The following PHACTR1 variants were observed in gnomAD, a reference collection of about 807,000 sequenced individuals.
PHACTR1 encodes the protein phosphatase and actin regulator 1, also known as RPEL repeat containing 1.
Under a neutral mutation model 69.2 loss-of-function variants are expected in PHACTR1, and 16 were observed. The ratio of observed to expected loss-of-function variants is 0.23; its 90% CI spans 0.16 to 0.35. PHACTR1 has a LOEUF of 0.35. Among genes scored for constraint, PHACTR1 ranks in the 10% least tolerant of loss-of-function variants. PHACTR1 has a pLI of 1.00. For synonymous variants in PHACTR1, 312 were observed against 284.5 expected (o/e 1.10, Z -0.97); for missense variants, 510 against 734.7 (o/e 0.69, Z 3.54).
At chr6:13,207,784 G>A (rs1766158487) in intron 8 of PHACTR1, among the ~76,000 whole-genome samples, 1 of 152,122 alleles carries the variant, frequency 6.6e-6, no homozygotes, top group South Asian at 2.1e-4. Context: ...AGTGGCTGCT[G>A]GTCATTGGGT....
chr6:12,837,097 C>T lies in PHACTR1; in HGVS notation c.250+87307C>T, dbSNP rs552820411. On this transcript the variant is annotated intron_variant, in intron 4 of 14. Coordinates refer to ENST00000332995, the MANE Select transcript of PHACTR1 (RefSeq NM_030948.6). The stretch of plus-strand genomic sequence containing the variant: ...TTAAAGTCTTTCTCTGCTACAAACC[C>T]TGCTGTCTCAGTGTAATTGGTCTGT... Among the ~76,000 whole-genome samples, 137 of 152,278 alleles carry T rather than the reference C, an allele frequency of 9.0e-4. 1 individual carries two copies. The highest frequency in any genetic ancestry group is 1.4e-3 in the Non-Finnish European group (93 of 68,016).
chr6:13,206,409 G>A (rs527913354), intron 8 of PHACTR1, among the ~76,000 whole-genome samples: 1 of 152,166 alleles, frequency 6.6e-6, no homozygotes, highest in Non-Finnish European at 1.5e-5. Flanking sequence ...ACAGTCCTCA[G>A]TGTCATTAGT....
chr6:12,802,081 C>T (rs1177855218), intron 4 of PHACTR1, among the ~76,000 whole-genome samples: 2 of 132,050 alleles, frequency 1.5e-5, no homozygotes, highest in Non-Finnish European at 3.4e-5. Context: ...AATTGAGCTA[C>T]ATATTATATA....
At chr6:12,982,080 T>C (rs1795590288) in intron 4 of PHACTR1, among the ~76,000 whole-genome samples, 1 of 152,228 alleles carries the variant, frequency 6.6e-6, no homozygotes, top group Non-Finnish European at 1.5e-5. Context: ...AGAGATTAGA[T>C]GTTTGCATAT....
intron 4 of PHACTR1, among the ~76,000 whole-genome samples, chr6:13,028,470 A>G (rs56827295): frequency 1.4e-3 from 215 of 152,378 alleles, no homozygotes; most frequent in African/African-American, 4.3e-3. Flanking sequence ...TCCAGGAATC[A>G]GGAGCTTCCT....
intron 4 of PHACTR1, among the ~76,000 whole-genome samples, chr6:12,783,174 T>C (rs1363246237): frequency 6.6e-6 from 1 of 152,178 alleles, no homozygotes; most frequent in Non-Finnish European, 1.5e-5. Flanking sequence ...TGTTTTCAAG[T>C]CACAAGTCAT....
At chr6:12,946,679 T>C (rs77734838) in intron 4 of PHACTR1, among the ~76,000 whole-genome samples, 2,206 of 151,600 alleles carry the variant, frequency 0.015, 59 homozygotes, top group African/African-American at 0.051. Flanking sequence ...AGCAAACAAA[T>C]GAAAAAGTAG....
chr6:13,285,822 TTGA>T (rs1428645929), intron 13 of PHACTR1, among the ~76,000 whole-genome samples: 43 of 152,194 alleles, frequency 2.8e-4, no homozygotes, highest in African/African-American at 9.6e-4. Context: ...GAGGTTGACA[TTGA>T]ATGTGTTCTT....
At chr6:12,768,646 G>A (rs1768980884) in intron 4 of PHACTR1, among the ~76,000 whole-genome samples, 1 of 152,046 alleles carries the variant, frequency 6.6e-6, no homozygotes, top group African/African-American at 2.4e-5. Flanking sequence ...TAAACATGGG[G>A]TACAGATATT....
intron 4 of PHACTR1, among the ~76,000 whole-genome samples, chr6:12,924,074 T>C (rs1323742109): frequency 6.6e-6 from 1 of 152,186 alleles, no homozygotes; most frequent in Non-Finnish European, 1.5e-5. Flanking sequence ...AAACTGTGCT[T>C]TTTGTTGCTG....
At chr6:12,925,152 A>G (rs1177309833) in intron 4 of PHACTR1, among the ~76,000 whole-genome samples, 1 of 152,260 alleles carries the variant, frequency 6.6e-6, no homozygotes, top group Non-Finnish European at 1.5e-5. Flanking sequence ...AATATCTCAT[A>G]AGAAATGTGC....
At chr6:12,806,300 G>A (rs1309177016) in intron 4 of PHACTR1, among the ~76,000 whole-genome samples, 2 of 152,020 alleles carry the variant, frequency 1.3e-5, no homozygotes, top group Non-Finnish European at 2.9e-5. Context: ...GTCATCACAC[G>A]GACTTTCAAT....
chr6:12,918,902 CAAGA>C (rs1318108812), intron 4 of PHACTR1, among the ~76,000 whole-genome samples: 5 of 152,184 alleles, frequency 3.3e-5, no homozygotes, highest in African/African-American at 1.2e-4. Context: ...AGTCCAGGAA[CAAGA>C]AAAAGTTGCG....
intron 4 of PHACTR1, among the ~76,000 whole-genome samples, chr6:12,996,622 T>C (rs1338798817): frequency 6.6e-6 from 1 of 152,204 alleles, no homozygotes; most frequent in Non-Finnish European, 1.5e-5. Context: ...CTTAACTTAT[T>C]TAAGCTATTC....
rs557601189 is a variant in PHACTR1 at position 13,091,919 on chromosome 6, T to A, written c.415+38390T>A. On this transcript the variant is annotated intron_variant, in intron 5 of 14. Coordinates refer to ENST00000332995, the MANE Select transcript of PHACTR1 (RefSeq NM_030948.6). ...TTCAAGCTGTTCTCCTGCCTCAGCCTCCTGAGTAGCTGGGACTGCAGGCGC... is the reference window on the plus strand; with the variant it reads ...TTCAAGCTGTTCTCCTGCCTCAGCCACCTGAGTAGCTGGGACTGCAGGCGC... Among the ~76,000 whole-genome samples the A allele has an allele frequency of 5.9e-5, 9 of 152,276 alleles. No individual in the cohort carries two copies. The South Asian group carries it at 1.0e-3, about 18-fold the overall frequency.
rs149403463 is a variant in PHACTR1, at chr6:12,932,245, G to T, written c.251-121120G>T. On this transcript the variant is annotated intron_variant, in intron 4 of 14. Transcript: ENST00000332995. Reference sequence around the variant, plus strand: ...CCATGAATGTAGCTTGGTTTCTCCTGGATCTCACAAGAACAGACTGACAGA... The same window carrying T: ...CCATGAATGTAGCTTGGTTTCTCCTTGATCTCACAAGAACAGACTGACAGA... Among the ~76,000 whole-genome samples the T allele has an allele frequency of 2.5e-3, 375 of 152,156 alleles. 2 individuals carry two copies. The highest frequency in any genetic ancestry group is 8.7e-3 in the African/African-American group (362 of 41,516).
At chr6:12,974,575 T>C (rs1794637196) in intron 4 of PHACTR1, among the ~76,000 whole-genome samples, 1 of 152,146 alleles carries the variant, frequency 6.6e-6, no homozygotes, top group Non-Finnish European at 1.5e-5. Context: ...AGATCTCAGT[T>C]TTTCCAAATA....
chr6:12,797,641 G>A (rs1462061632), intron 4 of PHACTR1, among the ~76,000 whole-genome samples: 2 of 152,096 alleles, frequency 1.3e-5, no homozygotes, highest in African/African-American at 4.8e-5. Context: ...TCCCATGGCC[G>A]GTGGAGACTC....
Position 13,141,704 on chromosome 6 carries a change from CAT to C in PHACTR1, c.416-18499_416-18498del, listed in dbSNP as rs200378088. ...TCTTCTCTATTTTCTTTATTCCACA[CAT>C]GTTTAGATTTCTTCTTTCTTTTTTT... On this transcript the variant is annotated intron_variant, in intron 5 of 14. Transcript: ENST00000332995. 5.5e-3 allele frequency among the ~76,000 whole-genome samples: 784 copies of C among 143,366 alleles called. 7 individuals are homozygous for C. Among genetic ancestry groups the C allele is most frequent in the African/African-American group, 0.019 (738 of 39,456 alleles). The allele number at this position is 143,366 out of a possible 152,430, so 94.1% of individuals were successfully genotyped here. A position where few individuals can be genotyped will look rare whatever the true frequency, so the allele number is the denominator to read the frequency against.
Sources: allele counts gnomAD v4.1 joint callset (sites outside exome capture counted in the v4.1 genomes callset), GRCh38; gene constraint gnomAD v4.1.1; transcripts MANE v1.5; gene names NCBI Gene and HGNC (gene_info 2026-07-23, HGNC 2026-07-21).